TENM4: variants seen among roughly 807,000 people sequenced by gnomAD.
TENM4 encodes teneurin-4.
In TENM4, 82 loss-of-function variants were observed where a neutral mutation model predicts 243.3. The ratio of observed to expected loss-of-function variants is 0.34; its 90% CI spans 0.28 to 0.40. TENM4 has a LOEUF of 0.40. TENM4 is among the 10% of genes least tolerant of loss of function. The pLI, the probability that TENM4 is intolerant of heterozygous loss-of-function variation, is 1.00. For missense variants in TENM4, 3,138 were observed against 3,673.3 expected (o/e 0.85, Z 3.77); for synonymous variants, 1,412 against 1,456.3 (o/e 0.97, Z 0.69).
chr11:79,061,962 A>T (rs1860100927), intron 6 of TENM4, among the ~76,000 whole-genome samples: 2 of 77,826 alleles, frequency 2.6e-5, no homozygotes, highest in African/African-American at 8.3e-5. Flanking sequence ...ATCGGTGGCA[A>T]CTATTTTTTT....
chr11:79,151,337 C>T (rs1862507990), intron 3 of TENM4, among the ~76,000 whole-genome samples: 1 of 152,158 alleles, frequency 6.6e-6, no homozygotes. Flanking sequence ...ACCATGCATC[C>T]ATCTCTCCAC....
At chr11:78,715,038 T>C (rs1859491285) in intron 25 of TENM4, among the ~76,000 whole-genome samples, 1 of 152,260 alleles carries the variant, frequency 6.6e-6, no homozygotes, top group African/African-American at 2.4e-5. Flanking sequence ...TGGCAGCCAC[T>C]TGTTTTAAGT....
In TENM4 at chr11:79,010,271, G is replaced by A. The variant is rs147654470; in HGVS notation, c.493+54467C>T. 6.3e-3 allele frequency among the ~76,000 whole-genome samples: 958 copies of A among 152,200 alleles called. 11 individuals carry two copies. The highest frequency in any genetic ancestry group is 0.022 in the African/African-American group (911 of 41,520). On this transcript the variant is annotated intron_variant, in intron 6 of 33. Transcript: ENST00000278550. ...ACTAGGACATGGAATTAAAAATACGGTTTCTGCTGCAAAGGAACTCACTGT... is the reference window on the plus strand; with the variant it reads ...ACTAGGACATGGAATTAAAAATACGATTTCTGCTGCAAAGGAACTCACTGT...
chr11:79,249,138 AT>A (rs1293609777), intron 2 of TENM4, among the ~76,000 whole-genome samples: 1 of 152,242 alleles, frequency 6.6e-6, no homozygotes, highest in African/African-American at 2.4e-5. Flanking sequence ...ACAATAAAAA[AT>A]AATAGCTTTT....
intron 12 of TENM4, among the ~76,000 whole-genome samples, chr11:78,833,159 G>A (rs1858021724): frequency 6.6e-6 from 1 of 152,070 alleles, no homozygotes; most frequent in African/African-American, 2.4e-5. Flanking sequence ...AATAATATAT[G>A]TAAACAGTTT....
chr11:79,169,261 C>T (rs566484801), intron 3 of TENM4, among the ~76,000 whole-genome samples: 2 of 152,326 alleles, frequency 1.3e-5, no homozygotes, highest in South Asian at 4.1e-4. Context: ...GTTTGTTACA[C>T]AGCAATAGAT....
intron 29 of TENM4, among the ~76,000 whole-genome samples, chr11:78,685,933 C>T (rs1407092062): frequency 6.6e-6 from 1 of 152,212 alleles, no homozygotes; most frequent in Non-Finnish European, 1.5e-5. Flanking sequence ...CTCCTATACC[C>T]CTTCTCATAG....
chr11:78,707,490 G>C (rs1365255724), intron 27 of TENM4, among the ~76,000 whole-genome samples: 1 of 152,226 alleles, frequency 6.6e-6, no homozygotes, highest in Non-Finnish European at 1.5e-5. Context: ...CCCAAACCAT[G>C]CTTCTTGTTT....
chr11:78,671,753 C>T (rs1438892283), intron 31 of TENM4, among the ~76,000 whole-genome samples: 1 of 152,178 alleles, frequency 6.6e-6, no homozygotes, highest in Non-Finnish European at 1.5e-5. Context: ...GGTCTGAACC[C>T]CGAGTCCTGC....
rs571074811 is a variant in TENM4, at chr11:78,910,085, T to A, written c.494-6562A>T. On this transcript the variant is annotated intron_variant, in intron 6 of 33. Coordinates refer to ENST00000278550, the MANE Select transcript of TENM4 (RefSeq NM_001098816.3). ...CATTCATGAGAAAAAGCCATAAACT[T>A]CCAGAGCTTTGGCTCAGGCAAGGAA... Among the ~76,000 whole-genome samples the A allele has an allele frequency of 2.0e-4, 30 of 152,200 alleles. 1 individual carries two copies. The highest frequency in any genetic ancestry group is 7.2e-4 in the African/African-American group (30 of 41,520).
intron 6 of TENM4, among the ~76,000 whole-genome samples, chr11:78,956,747 C>T (rs1857214266): frequency 6.6e-6 from 1 of 152,206 alleles, no homozygotes; most frequent in African/African-American, 2.4e-5. Context: ...TTAACCAAAA[C>T]TCATTTAGAG....
intron 17 of TENM4, among the ~76,000 whole-genome samples, chr11:78,778,142 C>T (rs139817912): frequency 1.4e-4 from 22 of 152,222 alleles, no homozygotes; most frequent in Middle Eastern, 3.4e-3. Context: ...GCTCGTTGGA[C>T]GAATGAACAC....
chr11:78,671,862 C>T (rs564529222), intron 31 of TENM4, among the ~76,000 whole-genome samples, 171 bp downstream of exon 31: 2 of 152,364 alleles, frequency 1.3e-5, no homozygotes, highest in African/African-American at 2.4e-5. Flanking sequence ...TCTCCCTGAT[C>T]CATCCTGATG....
At position 78,654,108 on chromosome 11, in the gene TENM4, A is replaced by C. The variant is rs1857833702; in HGVS notation, c.*3950T>G. The C allele has an allele frequency of 6.6e-6, 1 of 152,194 alleles. No homozygotes were observed. The highest frequency in any genetic ancestry group is 2.4e-5 in the African/African-American group (1 of 41,438). 9.4% of individuals were successfully genotyped at this position (152,194 alleles called of 1,614,324 possible). The stretch of plus-strand genomic sequence containing the variant: ...GCTGGGAATGATGTGCCTTAAATAG[A>C]GAGGTTTTCATTCTAACAAGGACCC... On this transcript the variant is annotated 3_prime_UTR_variant, in exon 34 of 34. Transcript: ENST00000278550.
chr11:79,427,313 A>C (rs1484891104), intron 1 of TENM4, among the ~76,000 whole-genome samples: 2 of 152,242 alleles, frequency 1.3e-5, no homozygotes, highest in Admixed American at 1.3e-4. Context: ...AGACAACTAC[A>C]TGAAAATGTT....
intron 9 of TENM4, among the ~76,000 whole-genome samples, chr11:78,864,485 A>ATAT (rs1565412981): frequency 2.0e-5 from 3 of 151,730 alleles, no homozygotes; most frequent in Non-Finnish European, 4.4e-5. Flanking sequence ...CAAGGTAGCA[A>ATAT]CTGCTAAAAA....
rs576379811 is a variant in TENM4 at position 78,775,276 on chromosome 11, C to T, written c.2392+3326G>A. Among the ~76,000 whole-genome samples, 124 of 152,310 alleles carry T rather than the reference C, an allele frequency of 8.1e-4. 4 individuals are homozygous for T. The highest frequency in any genetic ancestry group is 1.0e-4 in the Non-Finnish European group (7 of 68,022). On this transcript the variant is annotated intron_variant, in intron 17 of 33. Transcript: ENST00000278550. ...CTGCTCTAGTGAACTCCTGTAGGCA[C>T]ATGGCATCTTGGGCACATAGTCCAT...
At chr11:79,230,463 T>C (rs1049065616) in intron 2 of TENM4, among the ~76,000 whole-genome samples, 6 of 152,176 alleles carry the variant, frequency 3.9e-5, no homozygotes, top group African/African-American at 1.4e-4. Context: ...ACTAATTTGA[T>C]AAGGCAGAAA....
chr11:78,707,905 A>G (rs1010361541), intron 27 of TENM4, among the ~76,000 whole-genome samples: 1 of 152,256 alleles, frequency 6.6e-6, no homozygotes, highest in Non-Finnish European at 1.5e-5. Context: ...GATTCAATCA[A>G]TCGATTAATC....
Sources: allele counts gnomAD v4.1 joint callset (sites outside exome capture counted in the v4.1 genomes callset), GRCh38; gene constraint gnomAD v4.1.1; transcripts MANE v1.5; gene names NCBI Gene and HGNC (gene_info 2026-07-23, HGNC 2026-07-21).